TMEM181: variants seen among roughly 807,000 people sequenced by gnomAD.
TMEM181 encodes G protein-coupled receptor 178.
TMEM181 carries 39 observed loss-of-function variants against 71.9 expected under a neutral mutation model. The ratio of observed to expected loss-of-function variants is 0.54; its 90% CI spans 0.42 to 0.71. The LOEUF is 0.71. Among genes scored for constraint, TMEM181 ranks in the 30% least tolerant of loss-of-function variants. TMEM181 has a pLI of 0.00. For synonymous variants in TMEM181, 245 were observed against 228.8 expected (o/e 1.07, Z -0.64); for missense variants, 595 against 583.0 (o/e 1.02, Z -0.21).
Position 158,633,869 on chromosome 6 carries a change from C to T in TMEM181, c.*1981C>T, listed in dbSNP as rs1786796100. 6.6e-6 allele frequency: 1 copy of T among 152,088 alleles called. No individual in the cohort carries two copies. Among genetic ancestry groups the T allele is most frequent in the South Asian group, 2.1e-4 (1 of 4,834 alleles). 9.4% of individuals were successfully genotyped at this position (152,088 alleles called of 1,614,324 possible). ...AATTTTACAACTTCTAATAAGACTA[C>T]TATAACTTTATGTAAACTGATGAAG... On this transcript the variant is annotated 3_prime_UTR_variant, in exon 17 of 17. Coordinates refer to ENST00000684151, the MANE Select transcript of TMEM181 (RefSeq NM_001376852.1).
intron 6 of TMEM181, among the ~76,000 whole-genome samples, chr6:158,601,172 T>C (rs1424677007): frequency 6.6e-6 from 1 of 152,218 alleles, no homozygotes. Context: ...ATGTTTTGGG[T>C]TTATAGTAGT....
intron 10 of TMEM181, chr6:158,611,350 T>C: frequency 1.9e-6 from 1 of 525,620 alleles, no homozygotes; most frequent in South Asian, 1.5e-5. Context: ...AGTGACAGCC[T>C]CTCCCTTCCT....
intron 7 of TMEM181, among the ~76,000 whole-genome samples, chr6:158,605,957 G>A (rs973149588): frequency 4.6e-5 from 7 of 152,204 alleles, no homozygotes; most frequent in Non-Finnish European, 8.8e-5. Flanking sequence ...GTTGCCGCCC[G>A]AAGTGTGGCG....
chr6:158,609,323 T>A (rs1249043535), intron 10 of TMEM181, among the ~76,000 whole-genome samples: 2 of 152,158 alleles, frequency 1.3e-5, no homozygotes, highest in East Asian at 3.8e-4. Flanking sequence ...GTTTTTCTTT[T>A]TTTTTTAGAC....
In TMEM181 at chr6:158,560,137, C is replaced by G. The variant is rs1241505192; in HGVS notation, c.-88C>G. Reference sequence around the variant, plus strand: ...TGCTCAGCCGCTGTCGCTCCGGCTCCGGCTGCGGCTGCCGCTGCCGAGGCT... The same window carrying G: ...TGCTCAGCCGCTGTCGCTCCGGCTCGGGCTGCGGCTGCCGCTGCCGAGGCT... On this transcript the variant is annotated 5_prime_UTR_variant, in exon 1 of 17. Coordinates refer to ENST00000684151, the MANE Select transcript of TMEM181 (RefSeq NM_001376852.1). The G allele has an allele frequency of 2.0e-6, 2 of 984,722 alleles. No homozygotes were observed. The highest frequency in any genetic ancestry group is 2.3e-4 in the East Asian group (2 of 8,798). 61.0% of individuals were successfully genotyped at this position (984,722 alleles called of 1,614,324 possible). A position where few individuals can be genotyped will look rare whatever the true frequency, so the allele number is the denominator to read the frequency against.
intron 1 of TMEM181, among the ~76,000 whole-genome samples, chr6:158,571,884 C>G (rs1167322437): frequency 6.6e-6 from 1 of 152,224 alleles, no homozygotes; most frequent in Non-Finnish European, 1.5e-5. Flanking sequence ...TGAGTTTGCT[C>G]CCTGAGGTCA....
chr6:158,563,460 G>A (rs1332109378), intron 1 of TMEM181, among the ~76,000 whole-genome samples: 1 of 152,158 alleles, frequency 6.6e-6, no homozygotes, highest in African/African-American at 2.4e-5. Context: ...TGGGGTTCTT[G>A]AGAGGTAGAG....
At chr6:158,622,297 C>A (rs1317706820) in intron 10 of TMEM181, among the ~76,000 whole-genome samples, 1 of 152,130 alleles carries the variant, frequency 6.6e-6, no homozygotes, top group East Asian at 1.9e-4. Context: ...ATCCTGTATT[C>A]TTATGATGAT....
chr6:158,617,949 A>G (rs1279350779), intron 10 of TMEM181, among the ~76,000 whole-genome samples: 2 of 152,254 alleles, frequency 1.3e-5, no homozygotes, highest in South Asian at 2.1e-4. Flanking sequence ...AAGAATGTAT[A>G]TTCCATTGAT....
chr6:158,603,225 C>T (rs1020309744), intron 6 of TMEM181, among the ~76,000 whole-genome samples: 1 of 152,168 alleles, frequency 6.6e-6, no homozygotes, highest in African/African-American at 2.4e-5. Flanking sequence ...GGTCCCCAGC[C>T]TTTTTGGCAT....
intron 3 of TMEM181, among the ~76,000 whole-genome samples, chr6:158,582,068 T>C (rs1026812891): frequency 1.3e-5 from 2 of 152,176 alleles, no homozygotes; most frequent in Admixed American, 1.3e-4. Context: ...GAAGAAAAAG[T>C]ACTAAAACTT....
chr6:158,586,130 A>G (rs17505399), intron 5 of TMEM181, among the ~76,000 whole-genome samples: 1,926 of 152,284 alleles, frequency 0.013, 15 homozygotes, highest in Non-Finnish European at 0.019. Context: ...ACTTCAGAGC[A>G]CAGTGTGGCT....
intron 13 of TMEM181, among the ~76,000 whole-genome samples, chr6:158,626,963 C>T (rs1327476924): frequency 1.3e-5 from 2 of 148,410 alleles, no homozygotes; most frequent in African/African-American, 5.0e-5. Context: ...CTCACTCACA[C>T]CCTCTCACAC....
At chr6:158,554,166 A>G (rs909964293) in intron 1 of TMEM181, among the ~76,000 whole-genome samples, 1 of 151,446 alleles carries the variant, frequency 6.6e-6, no homozygotes, top group South Asian at 2.1e-4. Context: ...GCTCACTGCA[A>G]CCTCCACCTC....
intron 2 of TMEM181, among the ~76,000 whole-genome samples, chr6:158,579,780 G>GA (rs1562632536): frequency 6.6e-6 from 1 of 152,110 alleles, no homozygotes; most frequent in African/African-American, 2.4e-5. Context: ...TAATATGGAT[G>GA]AATTTTGAGG....
In TMEM181 at chr6:158,585,362, T is replaced by C. The variant is rs1180870949; in HGVS notation, c.318T>C (p.Asp106=). Residue 106 remains aspartate (D), a synonymous_variant, in exon 5 of 17, where the codon GAT becomes GAC. Transcript: ENST00000684151. ...MTVKVDGVAQ[D]GTTMYIHNKV... ...TTAAAGTCGATGGTGTAGCTCAAGA[T>C]GGAACCACGATGTACATTCATAACA... is the stretch of plus-strand genomic sequence containing the variant. 6.2e-7 allele frequency: 1 copy of C among 1,612,402 alleles called. No individual in the cohort carries two copies. The highest frequency in any genetic ancestry group is 1.7e-5 in the Admixed American group (1 of 59,366).
chr6:158,619,725 C>T (rs1785843513), intron 10 of TMEM181, among the ~76,000 whole-genome samples: 1 of 152,002 alleles, frequency 6.6e-6, no homozygotes, highest in South Asian at 2.1e-4. Context: ...AAAAATTAGC[C>T]AGGCGTGATG....
chr6:158,578,749 T>G (rs1783303755), intron 2 of TMEM181, among the ~76,000 whole-genome samples: 1 of 152,182 alleles, frequency 6.6e-6, no homozygotes, highest in Admixed American at 6.5e-5. Context: ...GAGCAGTAAT[T>G]ACTATAAATG....
At chr6:158,565,308 G>T (rs983854136) in intron 1 of TMEM181, among the ~76,000 whole-genome samples, 3 of 152,238 alleles carry the variant, frequency 2.0e-5, no homozygotes, top group African/African-American at 7.2e-5. Flanking sequence ...TGTGGGAGGG[G>T]TAGGCACTTA....
Sources: allele counts gnomAD v4.1 joint callset (sites outside exome capture counted in the v4.1 genomes callset), GRCh38; gene constraint gnomAD v4.1.1; transcripts MANE v1.5; gene names NCBI Gene and HGNC (gene_info 2026-07-23, HGNC 2026-07-21).